ANO7: variants seen among roughly 807,000 people sequenced by gnomAD.
ANO7 encodes the protein anoctamin 7, also known as anoctamin-7.
A neutral mutation model predicts 115.8 loss-of-function variants in ANO7; 114 were observed. The ratio of observed to expected loss-of-function variants is 0.98; its 90% confidence interval spans 0.85 to 1.15. ANO7 has a LOEUF of 1.15. Among genes scored for constraint, ANO7 ranks in the 50% most tolerant of loss-of-function variants. The pLI, the probability that ANO7 is intolerant of heterozygous loss-of-function variation, is 0.00. For missense variants in ANO7, 1,302 were observed against 1,201.2 expected (o/e 1.08, Z -1.24); for synonymous variants, 550 against 498.2 (o/e 1.10, Z -1.38).
chr2:241,191,584 C>A (rs112459832), intron 3 of ANO7, among the ~76,000 whole-genome samples: 3 of 152,166 alleles, frequency 2.0e-5, no homozygotes, highest in Non-Finnish European at 4.4e-5. Context: ...ATCTCTTGCA[C>A]TCCACCCCTT....
Position 241,203,495 on chromosome 2 carries a change from C to A in ANO7, c.886C>A (p.Leu296Ile). Residue 296 changes from leucine to isoleucine, a missense_variant, in exon 9 of 25, where the codon CTC becomes ATC. Transcript: ENST00000674324. This position sits in a 1 kb window ranked among gnomAD's most constrained non-coding sequence, Gnocchi z 4.8. ...GEKVALYFAW[L>I]GFYTGWLLPA... Reference sequence around the variant, plus strand: ...GAAGGTGGCCCTCTACTTCGCCTGGCTCGGTGAGTCCCCCCCGCTGCCCCC... The same window carrying A: ...GAAGGTGGCCCTCTACTTCGCCTGGATCGGTGAGTCCCCCCCGCTGCCCCC... 6.6e-7 allele frequency: 1 copy of A among 1,504,666 alleles called. No homozygotes were observed. Among genetic ancestry groups the A allele is most frequent in the Non-Finnish European group, 8.9e-7 (1 of 1,125,668 alleles). 93.2% of individuals were successfully genotyped at this position (1,504,666 alleles called of 1,614,324 possible).
chr2:241,207,719 G>C (rs772815548), intron 11 of ANO7, 49 bp downstream of exon 11: 2 of 1,556,034 alleles, frequency 1.3e-6, no homozygotes, highest in African/African-American at 1.4e-5. Flanking sequence ...CGGGGATGAG[G>C]AGGGCAGCTC....
chr2:241,225,781 G>A lies in ANO7; in HGVS notation c.*1628G>A, dbSNP rs368509130. On this transcript the variant is annotated 3_prime_UTR_variant, in exon 25 of 25. Transcript: ENST00000674324. ...TCCGGCAGGGATGCAGGCTCACAGCGCCCTGGGGCTGGACACCACCGGCCG... is the reference window on the plus strand; with the variant it reads ...TCCGGCAGGGATGCAGGCTCACAGCACCCTGGGGCTGGACACCACCGGCCG... Among the ~76,000 whole-genome samples, 27 of 152,272 alleles carry A rather than the reference G, an allele frequency of 1.8e-4. No homozygotes were observed. Among genetic ancestry groups the A allele is most frequent in the African/African-American group, 5.5e-4 (23 of 41,564 alleles).
At chr2:241,216,275 C>T (rs2068826996) in intron 19 of ANO7, 37 bp downstream of exon 19, 5 of 1,527,614 alleles carry the variant, frequency 3.3e-6, no homozygotes, top group Non-Finnish European at 4.4e-6. Flanking sequence ...ATGGCTGGCG[C>T]CGTGGGCAGG....
chr2:241,210,543 T>A lies in ANO7; in HGVS notation c.1534T>A (p.Ser512Thr). 1 of 1,613,858 alleles carries A rather than the reference T, an allele frequency of 6.2e-7. No homozygotes were observed. The highest frequency in any genetic ancestry group is 8.5e-7 in the Non-Finnish European group (1 of 1,179,980). Residue 512 changes from serine (S) to threonine (T), a missense_variant, in exon 15 of 25, where the codon TCC (serine) becomes ACC (threonine). Physicochemically the swap from Ser to Thr is moderately conservative, Grantham distance 58. Transcript: ENST00000674324. ...FILILSKIYV[S>T]LAHVLTRWEM... ...CCTCATCCTCTCCAAGATCTATGTA[T>A]CCCTGGCCCACGTCCTGACACGATG...
intron 4 of ANO7, among the ~76,000 whole-genome samples, chr2:241,196,630 G>T (rs933341177): frequency 6.6e-6 from 1 of 152,238 alleles, no homozygotes; most frequent in Admixed American, 6.5e-5. Flanking sequence ...GTCTGTTTGA[G>T]ATCGGCAGAG....
chr2:241,210,116 C>A (rs1385932399), intron 13 of ANO7, among the ~76,000 whole-genome samples, 179 bp from the exon 14 acceptor site: 1 of 152,222 alleles, frequency 6.6e-6, no homozygotes, highest in African/African-American at 2.4e-5. Flanking sequence ...TCTGCCTGAG[C>A]AACTCATCAG....
rs2069150960 is a variant in ANO7 at position 241,225,786 on chromosome 2, G to A, written c.*1633G>A. 6.6e-6 allele frequency among the ~76,000 whole-genome samples: 1 copy of A among 152,174 alleles called. No homozygotes were observed. Among genetic ancestry groups the A allele is most frequent in the Admixed American group, 6.5e-5 (1 of 15,288 alleles). The stretch of plus-strand genomic sequence containing the variant: ...CAGGGATGCAGGCTCACAGCGCCCT[G>A]GGGCTGGACACCACCGGCCGGAGCA... On this transcript the variant is annotated 3_prime_UTR_variant, in exon 25 of 25. Transcript: ENST00000674324.
intron 9 of ANO7, among the ~76,000 whole-genome samples, chr2:241,204,202 G>A (rs1022510915): frequency 3.3e-5 from 5 of 152,198 alleles, no homozygotes; most frequent in Non-Finnish European, 5.9e-5. Flanking sequence ...GGGACAGCAC[G>A]GCCAGGCTGG....
chr2:241,235,745 C>A, the ANO7 span: 1 of 592,504 alleles, frequency 1.7e-6, no homozygotes, highest in Non-Finnish European at 3.0e-6. Context: ...ACCTTTAACT[C>A]AATAGAAAAG....
chr2:241,208,220 T>C (rs917020683), intron 11 of ANO7, among the ~76,000 whole-genome samples: 3 of 152,222 alleles, frequency 2.0e-5, no homozygotes, highest in African/African-American at 7.2e-5. Flanking sequence ...CTTCTGGGAA[T>C]CCACTTGGAT....
chr2:241,230,370 G>T (rs1044460913), downstream of ANO7: 2 of 794,020 alleles, frequency 2.5e-6, no homozygotes, highest in South Asian at 3.4e-5. The surrounding 1 kb of genome is among the most constrained non-coding windows in gnomAD (Gnocchi z 5.0). Context: ...GTTAGCAAAC[G>T]TTTTAAAATC....
At chr2:241,210,178 G>A in intron 13 of ANO7, 117 bp from the exon 14 acceptor site, 1 of 971,526 alleles carries the variant, frequency 1.0e-6, no homozygotes. Flanking sequence ...GGCCTTCCTA[G>A]AGGTGGCAGT....
Position 241,201,697 on chromosome 2 carries a change from G to A in ANO7, c.612+342G>A, listed in dbSNP as rs78750458. Among the ~76,000 whole-genome samples, 1,014 of 152,358 alleles carry A rather than the reference G, an allele frequency of 6.7e-3. 8 individuals are homozygous for A. Among genetic ancestry groups the A allele is most frequent in the African/African-American group, 0.023 (969 of 41,586 alleles). ...GACCTGCCCTGCAGCGTCGGAGGAA[G>A]GGTGGCCCCAGGCGGGGCAGGCCCA... On this transcript the variant is annotated intron_variant, in intron 7 of 24. Coordinates refer to ENST00000674324, the MANE Select transcript of ANO7 (RefSeq NM_001370694.2).
intron 2 of ANO7, 135 bp downstream of exon 2, chr2:241,190,306 C>T: frequency 1.4e-6 from 1 of 704,096 alleles, no homozygotes; most frequent in Non-Finnish European, 2.4e-6. Context: ...CGGCAACCCC[C>T]AAGCCCTCGC....
In ANO7 at chr2:241,210,488, C is replaced by T. The variant is rs375167411; in HGVS notation, c.1479C>T (p.Leu493=). The change falls in exon 15 of 25, where the codon CTC becomes CTT. Residue 493 remains leucine (L), a synonymous_variant. Coordinates refer to ENST00000674324, the MANE Select transcript of ANO7 (RefSeq NM_001370694.2). The stretch of plus-strand genomic sequence containing the variant: ...GTTAGGCCTCTCGCATCGCCAGCCT[C>T]ACGGGGTCTGTAGTGAACCTCGTCT... ...LAAWASRIAS[L]TGSVVNLVFI... 2.7e-4 allele frequency: 433 copies of T among 1,613,994 alleles called. No homozygotes were observed. The highest frequency in any genetic ancestry group is 3.6e-4 in the Non-Finnish European group (422 of 1,180,010).
the ANO7 span, among the ~76,000 whole-genome samples, chr2:241,232,322 C>CTGGA: frequency 6.6e-6 from 1 of 150,964 alleles, no homozygotes; most frequent in African/African-American, 2.4e-5. Context: ...GTCGCCCAGG[C>CTGGA]TGGAGTGCAA....
intron 21 of ANO7, 25 bp from the exon 22 acceptor site, chr2:241,223,161 G>C (rs780589691): frequency 6.2e-7 from 1 of 1,607,734 alleles, no homozygotes; most frequent in Non-Finnish European, 8.5e-7. Context: ...CTGGCTGCGC[G>C]CACTGAGTCC....
chr2:241,235,617 T>C, the ANO7 span: 1 of 1,561,352 alleles, frequency 6.4e-7, no homozygotes, highest in South Asian at 1.1e-5. Context: ...TGGTCATGGT[T>C]AGGCCGTGGG....
Sources: gnomAD v4.1 joint callset for allele counts (sites outside exome capture counted in the v4.1 genomes callset) on GRCh38, gnomAD v4.1.1 for gene constraint, Gnocchi (gnomAD v3.1) non-coding constraint, MANE v1.5 for transcripts, NCBI Gene and HGNC (gene_info 2026-07-23, HGNC 2026-07-21) for gene names.